IGFBPL1: variants seen among roughly 807,000 people sequenced by gnomAD.
The protein encoded by IGFBPL1 is insulin like growth factor binding protein like 1.
In IGFBPL1, 20 loss-of-function variants were observed where a neutral mutation model predicts 23.9. The ratio of observed to expected loss-of-function variants is 0.84; its 90% CI spans 0.59 to 1.22. IGFBPL1 has a LOEUF of 1.22. Ranked by LOEUF, IGFBPL1 falls within the 50% of genes most tolerant of loss-of-function variation. The pLI, the probability that IGFBPL1 is intolerant of heterozygous loss-of-function variation, is 0.00. For missense variants in IGFBPL1, 436 were observed against 379.3 expected (o/e 1.15, Z -1.24); for synonymous variants, 184 against 171.8 (o/e 1.07, Z -0.56).
At chr9:38,421,484 G>A (rs1441286887) in intron 1 of IGFBPL1, among the ~76,000 whole-genome samples, 1 of 151,974 alleles carries the variant, frequency 6.6e-6, no homozygotes, top group Admixed American at 6.6e-5. Context: ...GCATGTATAA[G>A]GGCCCTTCAC....
chr9:38,416,208 A>G (rs76084197), intron 1 of IGFBPL1, among the ~76,000 whole-genome samples: 2,174 of 152,342 alleles, frequency 0.014, 20 homozygotes, highest in Non-Finnish European at 0.019. Flanking sequence ...CTGGATACCA[A>G]GGGGACTCTC....
rs1246367287 is a variant in IGFBPL1, at chr9:38,411,490, C to T, written c.747G>A (p.Val249=). 8 of 1,614,078 alleles carry T rather than the reference C, an allele frequency of 5.0e-6. No homozygotes were observed. Among genetic ancestry groups the T allele is most frequent in the African/African-American group, 1.3e-5 (1 of 75,052 alleles). Residue 249 remains valine, a synonymous_variant, in exon 4 of 5, where the codon GTG becomes GTA. Transcript: ENST00000377694. The part of the protein sequence containing the change: ...GVYQCHAANM[V]GEAESHSTVT... Reference sequence around the variant, plus strand: ...CTGTGCTGTGGGACTCAGCCTCTCCCACCATGTTGGCTGCATGGCACTGGT... The same window carrying T: ...CTGTGCTGTGGGACTCAGCCTCTCCTACCATGTTGGCTGCATGGCACTGGT...
intron 4 of IGFBPL1, among the ~76,000 whole-genome samples, chr9:38,410,028 C>T (rs982983290): frequency 2.7e-4 from 41 of 152,334 alleles, no homozygotes; most frequent in African/African-American, 6.7e-4. Context: ...AGGTGTGCAA[C>T]AGTAGTGGCT....
At position 38,413,270 on chromosome 9, in the gene IGFBPL1, G is replaced by A; in HGVS notation, c.654C>T (p.Gly218=). 1 of 1,613,662 alleles carries A rather than the reference G, an allele frequency of 6.2e-7. No homozygotes were observed. Among genetic ancestry groups the A allele is most frequent in the Non-Finnish European group, 8.5e-7 (1 of 1,179,716 alleles). ...AGGCCGTGGCCTCATGGTCAGAAGG[G>A]CCCCCTCGCACTTGGACAGCTATAT... is the stretch of plus-strand genomic sequence containing the variant. ...HVNIAVQVRG[G]PSDHEATAWI... The change falls in exon 3 of 5, where the codon GGC becomes GGT. Residue 218 remains glycine (G), a synonymous_variant. Transcript: ENST00000377694.
In IGFBPL1 at chr9:38,407,203, G is replaced by C. The variant is rs936395830; in HGVS notation, c.*2024C>G. On this transcript the variant is annotated 3_prime_UTR_variant, in exon 5 of 5. Coordinates refer to ENST00000377694, the MANE Select transcript of IGFBPL1 (RefSeq NM_001007563.3). ...GGCAGCTCCAAACCCCAGTAGACAA[G>C]AACAGCTTCCAGTGCCATCCATTTC... Among the ~76,000 whole-genome samples, 4 of 152,236 alleles carry C rather than the reference G, an allele frequency of 2.6e-5. No individual in the cohort carries two copies. The highest frequency in any genetic ancestry group is 9.6e-5 in the African/African-American group (4 of 41,464).
At chr9:38,423,297 T>C (rs777813613) in intron 1 of IGFBPL1, among the ~76,000 whole-genome samples, 1 of 152,218 alleles carries the variant, frequency 6.6e-6, no homozygotes, top group Non-Finnish European at 1.5e-5. Context: ...AGCAGTTCTA[T>C]TCCTTTACTT....
In IGFBPL1 at chr9:38,407,669, AG is replaced by A. The variant is rs148951030; in HGVS notation, c.*1557del. Among the ~76,000 whole-genome samples, 3,465 of 152,288 alleles carry A rather than the reference AG, an allele frequency of 0.023. 134 individuals carry two copies. The highest frequency in any genetic ancestry group is 0.08 in the African/African-American group (3,314 of 41,552). On this transcript the variant is annotated 3_prime_UTR_variant, in exon 5 of 5. Transcript: ENST00000377694. ...TGAGTAGCAGCACCGTGGAGTAGAG[AG>A]GGGACCAAGGAGGGCCAGGTGCCCT...
At chr9:38,412,328 C>A (rs1469982764) in intron 3 of IGFBPL1, among the ~76,000 whole-genome samples, 1 of 152,178 alleles carries the variant, frequency 6.6e-6, no homozygotes, top group Non-Finnish European at 1.5e-5. Flanking sequence ...ACTGCCAGGG[C>A]CACAAAGGCC....
At chr9:38,420,793 C>A (rs1433350672) in intron 1 of IGFBPL1, among the ~76,000 whole-genome samples, 1 of 152,068 alleles carries the variant, frequency 6.6e-6, no homozygotes. Context: ...GCCAAGATCA[C>A]ACCACTGCAC....
Position 38,414,180 on chromosome 9 carries a change from G to A in IGFBPL1, c.484C>T (p.Arg162Ter), listed in dbSNP as rs1374137599. The change falls in exon 2 of 5, where the codon CGA becomes TGA. Residue 162 changes from arginine to a stop codon, truncating the protein, a stop_gained. Coordinates refer to ENST00000377694, the MANE Select transcript of IGFBPL1 (RefSeq NM_001007563.3). LOFTEE classifies it high-confidence loss of function. ...EFAPVVVVPP[R>*]SVHNVTGAQV... ...GCCCCGGTGACGTTGTGAACACTTCGGGGAGGAACGACGACCACAGGAGCT... is the reference window on the plus strand; with the variant it reads ...GCCCCGGTGACGTTGTGAACACTTCAGGGAGGAACGACGACCACAGGAGCT... The A allele has an allele frequency of 3.7e-6, 6 of 1,606,948 alleles. No homozygotes were observed. Among genetic ancestry groups the A allele is most frequent in the Admixed American group, 1.7e-5 (1 of 59,186 alleles).
At chr9:38,412,253 C>T (rs1438370576) in intron 3 of IGFBPL1, among the ~76,000 whole-genome samples, 1 of 152,158 alleles carries the variant, frequency 6.6e-6, no homozygotes, top group Non-Finnish European at 1.5e-5. Flanking sequence ...AAACTCATGC[C>T]AGTCGTGGGG....
intron 1 of IGFBPL1, among the ~76,000 whole-genome samples, chr9:38,417,151 A>C (rs774977105): frequency 1.3e-5 from 2 of 152,146 alleles, no homozygotes; most frequent in Admixed American, 1.3e-4. Context: ...TAACTTGTTT[A>C]TCTCTCCAGC....
At position 38,412,051 on chromosome 9, in the gene IGFBPL1, G is replaced by A. The variant is rs117160236; in HGVS notation, c.688-502C>T. On this transcript the variant is annotated intron_variant, in intron 3 of 4. Coordinates refer to ENST00000377694, the MANE Select transcript of IGFBPL1 (RefSeq NM_001007563.3). ...ATTCCCAATCTCTCAGCTGGGTGGA[G>A]AAGAGTCACCAAGCCTCCCAGAGCT... Among the ~76,000 whole-genome samples the A allele has an allele frequency of 7.3e-4, 111 of 152,284 alleles. 1 individual carries two copies. In the East Asian group the frequency reaches 0.011, roughly 15 times the overall value.
At chr9:38,415,458 C>G (rs1419966711) in intron 1 of IGFBPL1, among the ~76,000 whole-genome samples, 1 of 152,170 alleles carries the variant, frequency 6.6e-6, no homozygotes, top group African/African-American at 2.4e-5. Context: ...CCCCAATGCT[C>G]AGGAGGATCA....
rs1821451115 is a variant in IGFBPL1, at chr9:38,407,911, T to A, written c.*1316A>T. Among the ~76,000 whole-genome samples, 1 of 152,060 alleles carries A rather than the reference T, an allele frequency of 6.6e-6. No individual in the cohort carries two copies. Among genetic ancestry groups the A allele is most frequent in the Non-Finnish European group, 1.5e-5 (1 of 68,018 alleles). On this transcript the variant is annotated 3_prime_UTR_variant, in exon 5 of 5. Transcript: ENST00000377694. ...GTAATCACCTAAGGATCTATTTTTTTAAGATAAGATAGCAAATATTCTCCT... is the reference window on the plus strand; with the variant it reads ...GTAATCACCTAAGGATCTATTTTTTAAAGATAAGATAGCAAATATTCTCCT...
rs1305662134 is a variant in IGFBPL1 at position 38,407,292 on chromosome 9, A to G, written c.*1935T>C. ...TTTAAAGTTTGAAAACCACTCATCT[A>G]GTTTTATTCCCTTTTTACTCAAATA... is the stretch of plus-strand genomic sequence containing the variant. On this transcript the variant is annotated 3_prime_UTR_variant, in exon 5 of 5. Coordinates refer to ENST00000377694, the MANE Select transcript of IGFBPL1 (RefSeq NM_001007563.3). Among the ~76,000 whole-genome samples the G allele has an allele frequency of 1.3e-5, 2 of 152,152 alleles. No homozygotes were observed. The highest frequency in any genetic ancestry group is 3.8e-4 in the East Asian group (2 of 5,198).
At chr9:38,414,239 C>T in intron 1 of IGFBPL1, 36 bp from the exon 2 acceptor site, 2 of 1,348,564 alleles carry the variant, frequency 1.5e-6, no homozygotes, top group Non-Finnish European at 2.1e-6. Context: ...AGCCTTTACC[C>T]TGCAGGGTTC....
chr9:38,411,206 G>A (rs1052955722), intron 4 of IGFBPL1, among the ~76,000 whole-genome samples, 185 bp downstream of exon 4: 4 of 152,184 alleles, frequency 2.6e-5, no homozygotes, highest in African/African-American at 9.7e-5. Context: ...AAGCTCAGAG[G>A]GAGATGTGTG....
chr9:38,407,238 CTT>C lies in IGFBPL1; in HGVS notation c.*1987_*1988del, dbSNP rs1391944371. Among the ~76,000 whole-genome samples, 1 of 152,256 alleles carries C rather than the reference CTT, an allele frequency of 6.6e-6. No homozygotes were observed. The highest frequency in any genetic ancestry group is 1.5e-5 in the Non-Finnish European group (1 of 68,042). On this transcript the variant is annotated 3_prime_UTR_variant, in exon 5 of 5. Transcript: ENST00000377694. ...CAGTGCCATCCATTTCAATTCTCAT[CTT>C]TTGTTTTCAAAGAGAGCTTCCAGTG... is the stretch of plus-strand genomic sequence containing the variant.
Sources: allele counts gnomAD v4.1 joint callset (sites outside exome capture counted in the v4.1 genomes callset), GRCh38; gene constraint gnomAD v4.1.1; transcripts MANE v1.5; gene names NCBI Gene and HGNC (gene_info 2026-07-23, HGNC 2026-07-21).